Variants in DYNC1I1 observed in about 807,000 individuals in gnomAD.
DYNC1I1 encodes the protein cytoplasmic dynein 1 intermediate chain 1.
Under a neutral mutation model 86.6 loss-of-function variants are expected in DYNC1I1, and 43 were observed. That is an observed-to-expected ratio of 0.50 (90% CI 0.39 to 0.64). The LOEUF (loss-of-function observed/expected upper bound fraction) is 0.64, where lower values mean the gene tolerates loss of function less well. Ranked by LOEUF, DYNC1I1 falls within the 30% of genes least tolerant of loss-of-function variation. The probability of loss-of-function intolerance (pLI) is 0.00; values close to 1 mark genes in which losing one functional copy is unlikely to be tolerated. For synonymous variants in DYNC1I1, 262 were observed against 283.7 expected (o/e 0.92, Z 0.77); for missense variants, 604 against 788.8 (o/e 0.77, Z 2.81).
At chr7:95,810,859 A>G (rs1794814952) in intron 3 of DYNC1I1, among the ~76,000 whole-genome samples, 1 of 152,084 alleles carries the variant, frequency 6.6e-6, no homozygotes, top group African/African-American at 2.4e-5. Context: ...TTCATTGCTG[A>G]GTTCCAGTGT....
chr7:96,002,255 A>G lies in DYNC1I1; in HGVS notation c.969+6182A>G, dbSNP rs539871889. Among the ~76,000 whole-genome samples the G allele has an allele frequency of 1.3e-4, 20 of 152,260 alleles. No individual in the cohort carries two copies. In the South Asian group the frequency reaches 4.1e-3, roughly 32 times the overall value. On this transcript the variant is annotated intron_variant, in intron 10 of 16. Coordinates refer to ENST00000447467, the MANE Select transcript of DYNC1I1 (RefSeq NM_001135556.2). ...GCCTAGGCCCTGTTCACATTGGTCA[A>G]ATTTATATGTGTGTTCTTTATATTA...
intron 12 of DYNC1I1, among the ~76,000 whole-genome samples, chr7:96,033,931 G>C (rs528198061): frequency 3.3e-5 from 5 of 152,062 alleles, no homozygotes; most frequent in Admixed American, 6.6e-5. Context: ...GATTGCTTAA[G>C]CCCAGGAGTT....
intron 9 of DYNC1I1, among the ~76,000 whole-genome samples, chr7:95,994,587 G>A (rs1025324720): frequency 3.3e-5 from 5 of 152,174 alleles, no homozygotes; most frequent in Non-Finnish European, 7.3e-5. Flanking sequence ...GTGAGGCTGG[G>A]TCATAGGCTG....
In DYNC1I1 at chr7:96,098,045, A is replaced by G; in HGVS notation, c.*452A>G. The G allele has an allele frequency of 2.0e-6, 2 of 989,670 alleles. No homozygotes were observed. Among genetic ancestry groups the G allele is most frequent in the Non-Finnish European group, 2.4e-6 (2 of 832,182 alleles). The allele number at this position is 989,670 out of a possible 1,614,324, so 61.3% of individuals were successfully genotyped here. A position where few individuals can be genotyped will look rare whatever the true frequency, so the allele number is the denominator to read the frequency against. ...GGTGTTTTACATGGTGACTCACATT[A>G]TGAATGGATTTACTAGAAGAACATT... On this transcript the variant is annotated 3_prime_UTR_variant, in exon 17 of 17. Transcript: ENST00000447467.
At chr7:95,920,439 C>A (rs886709476) in intron 6 of DYNC1I1, among the ~76,000 whole-genome samples, 2 of 152,088 alleles carry the variant, frequency 1.3e-5, no homozygotes, top group African/African-American at 2.4e-5. Context: ...GATCCTGGAA[C>A]AGAAGAAGGA....
intron 15 of DYNC1I1, 96 bp downstream of exon 15, chr7:96,076,293 T>C (rs559839190): frequency 6.6e-7 from 1 of 1,507,942 alleles, no homozygotes; most frequent in African/African-American, 1.4e-5. Context: ...CGGCCTTTTT[T>C]GGACAGACCT....
At chr7:95,840,987 C>G (rs1011224857) in intron 5 of DYNC1I1, among the ~76,000 whole-genome samples, 64 of 152,252 alleles carry the variant, frequency 4.2e-4, no homozygotes, top group African/African-American at 1.4e-3. Flanking sequence ...AGTTTATCAC[C>G]CACTTGCTCT....
Position 95,824,178 on chromosome 7 carries a change from T to G in DYNC1I1, c.315-3879T>G, listed in dbSNP as rs568934025. On this transcript the variant is annotated intron_variant, in intron 4 of 16. Transcript: ENST00000447467. ...GCTAATTTCTGTATTTTTTTGTAGA[T>G]GCAGAGTTTCGTCGTGTCGCCCAGG... 3.1e-3 allele frequency among the ~76,000 whole-genome samples: 464 copies of G among 148,580 alleles called. 3 individuals are homozygous for G. Among genetic ancestry groups the G allele is most frequent in the Non-Finnish European group, 5.3e-3 (352 of 66,626 alleles).
chr7:95,819,206 A>G (rs560818528), intron 4 of DYNC1I1, among the ~76,000 whole-genome samples: 11 of 152,238 alleles, frequency 7.2e-5, no homozygotes, highest in South Asian at 2.1e-4. Flanking sequence ...GATTTCTTCA[A>G]TGTTCTCTCT....
intron 6 of DYNC1I1, among the ~76,000 whole-genome samples, chr7:95,920,732 A>G (rs370242623): frequency 2.0e-5 from 3 of 152,216 alleles, no homozygotes; most frequent in Non-Finnish European, 4.4e-5. Context: ...GATGACTTTA[A>G]ATTAGACAAA....
At chr7:95,783,658 T>G (rs1463854148) in intron 1 of DYNC1I1, among the ~76,000 whole-genome samples, 1 of 152,234 alleles carries the variant, frequency 6.6e-6, no homozygotes, top group African/African-American at 2.4e-5. Context: ...ACATCAGTGT[T>G]ACACAGACAA....
At chr7:96,086,815 G>A (rs1421532010) in intron 16 of DYNC1I1, among the ~76,000 whole-genome samples, 1 of 152,104 alleles carries the variant, frequency 6.6e-6, no homozygotes, top group Admixed American at 6.5e-5. Flanking sequence ...GAAAAATCAA[G>A]AGAGAAAAGT....
chr7:96,001,070 G>A lies in DYNC1I1; in HGVS notation c.969+4997G>A, dbSNP rs531954644. Among the ~76,000 whole-genome samples, 9 of 152,192 alleles carry A rather than the reference G, an allele frequency of 5.9e-5. No individual in the cohort carries two copies. The South Asian group carries it at 1.2e-3, about 21-fold the overall frequency. On this transcript the variant is annotated intron_variant, in intron 10 of 16. Coordinates refer to ENST00000447467, the MANE Select transcript of DYNC1I1 (RefSeq NM_001135556.2). ...CTCTTACTAGCATTTGCTGCATCCC[G>A]TTAATGTGCACACATGTTGTCAACA...
At chr7:95,820,842 C>A (rs1795058525) in intron 4 of DYNC1I1, among the ~76,000 whole-genome samples, 1 of 152,234 alleles carries the variant, frequency 6.6e-6, no homozygotes, top group Admixed American at 6.5e-5. Flanking sequence ...CCTCCCAAAG[C>A]TCTGGGATTA....
intron 11 of DYNC1I1, among the ~76,000 whole-genome samples, chr7:96,030,793 C>A (rs1291342464): frequency 6.6e-6 from 1 of 152,132 alleles, no homozygotes; most frequent in Non-Finnish European, 1.5e-5. Flanking sequence ...GGTTAGCATG[C>A]TGTGTGGCTC....
chr7:96,004,280 A>T (rs1480250275), intron 10 of DYNC1I1, among the ~76,000 whole-genome samples: 1 of 152,140 alleles, frequency 6.6e-6, no homozygotes, highest in Non-Finnish European at 1.5e-5. Context: ...TAGGTGAAAG[A>T]TTTATCTTCG....
chr7:95,985,403 G>C (rs908691337), intron 8 of DYNC1I1, among the ~76,000 whole-genome samples: 2 of 152,116 alleles, frequency 1.3e-5, no homozygotes, highest in Non-Finnish European at 2.9e-5. Context: ...ACAGAGACTG[G>C]AAAATGTTTC....
intron 1 of DYNC1I1, among the ~76,000 whole-genome samples, chr7:95,802,196 GT>G (rs1021886419): frequency 2.6e-5 from 4 of 152,082 alleles, no homozygotes; most frequent in African/African-American, 9.7e-5. Flanking sequence ...GCTGCAAGGA[GT>G]TTTTTCACCA....
intron 6 of DYNC1I1, among the ~76,000 whole-genome samples, chr7:95,968,120 G>A (rs1342808715): frequency 1.3e-5 from 2 of 151,884 alleles, no homozygotes; most frequent in East Asian, 1.9e-4. Flanking sequence ...AAGAGTAGGC[G>A]TGGAAAGAGG....
Sources: allele counts gnomAD v4.1 joint callset (sites outside exome capture counted in the v4.1 genomes callset), GRCh38; gene constraint gnomAD v4.1.1; transcripts MANE v1.5; gene names NCBI Gene and HGNC (gene_info 2026-07-23, HGNC 2026-07-21).